Variants in DTNB observed in about 807,000 individuals in gnomAD.
DTNB encodes DTN-B.
A neutral mutation model predicts 90.7 loss-of-function variants in DTNB; 63 were observed. The ratio of observed to expected loss-of-function variants is 0.69; its 90% CI spans 0.57 to 0.86. The LOEUF (loss-of-function observed/expected upper bound fraction) is 0.86. DTNB is among the 40% of genes least tolerant of loss of function. The pLI is 0.00. For missense variants in DTNB, 744 were observed against 807.1 expected, an observed-to-expected ratio of 0.92 and a Z score of 0.95; for synonymous variants, 277 against 286.7, an observed-to-expected ratio of 0.97 and a Z score of 0.34.
chr2:25,578,176 T>C (rs1321737449), intron 7 of DTNB, among the ~76,000 whole-genome samples: 1 of 152,014 alleles, frequency 6.6e-6, no homozygotes, highest in Admixed American at 6.5e-5. Context: ...AAAAATTGAG[T>C]ATGAGGTGAT....
chr2:25,431,688 T>A (rs1287369433), intron 14 of DTNB, among the ~76,000 whole-genome samples: 1 of 152,202 alleles, frequency 6.6e-6, no homozygotes, highest in Non-Finnish European at 1.5e-5. Flanking sequence ...AGACTCAGGA[T>A]GACAGGCCTT....
chr2:25,613,850 C>T (rs1439327412), intron 4 of DTNB, among the ~76,000 whole-genome samples: 1 of 152,074 alleles, frequency 6.6e-6, no homozygotes, highest in Non-Finnish European at 1.5e-5. Context: ...CCCGGCTACT[C>T]AGGAGGCTGA....
At chr2:25,498,007 T>A (rs1047436626) in intron 9 of DTNB, among the ~76,000 whole-genome samples, 6 of 152,060 alleles carry the variant, frequency 3.9e-5, no homozygotes, top group African/African-American at 1.4e-4. Context: ...TCTACTAGTC[T>A]CCCAAATTAG....
intron 1 of DTNB, among the ~76,000 whole-genome samples, chr2:25,664,528 G>A (rs181559030): frequency 1.4e-4 from 21 of 152,182 alleles, no homozygotes; most frequent in African/African-American, 4.3e-4. Context: ...GGGTTCCCTA[G>A]CTTACCGTAC....
intron 3 of DTNB, among the ~76,000 whole-genome samples, chr2:25,634,302 G>A (rs1330391151): frequency 9.2e-6 from 1 of 108,942 alleles, no homozygotes; most frequent in African/African-American, 3.0e-5. Flanking sequence ...TCAGCCCCCC[G>A]CCCGGCCAGC....
intron 3 of DTNB, among the ~76,000 whole-genome samples, chr2:25,633,221 C>G (rs1356601762): frequency 4.0e-5 from 6 of 150,316 alleles, no homozygotes; most frequent in African/African-American, 1.5e-4. Context: ...CGAGCCGAAG[C>G]TGGACTGTAC....
At position 25,433,103 on chromosome 2, in the gene DTNB, A is replaced by G. The variant is rs190152586; in HGVS notation, c.1344-104T>C. ...AACTCTAGCAGTGCCTCCTCTACCA[A>G]TCTTGTTTTGATTGCTTCCAAATGG... On this transcript the variant is annotated intron_variant, in intron 13 of 20. Coordinates refer to ENST00000406818, the MANE Select transcript of DTNB (RefSeq NM_021907.5). 75 of 1,159,066 alleles carry G rather than the reference A, an allele frequency of 6.5e-5. No homozygotes were observed. The Middle Eastern group carries it at 1.0e-3, about 16-fold the overall frequency. The allele number at this position is 1,159,066 out of a possible 1,614,324, so 71.8% of individuals were successfully genotyped here.
At chr2:25,663,849 C>T (rs1480976529) in intron 1 of DTNB, among the ~76,000 whole-genome samples, 1 of 152,136 alleles carries the variant, frequency 6.6e-6, no homozygotes. Context: ...AATTATTTAT[C>T]TATATATCAT....
chr2:25,399,976 G>A (rs962447708), intron 16 of DTNB, among the ~76,000 whole-genome samples: 3 of 152,072 alleles, frequency 2.0e-5, no homozygotes, highest in Non-Finnish European at 2.9e-5. Context: ...GCAGCATCTC[G>A]GTCACGTCAT....
In DTNB at chr2:25,568,073, G is replaced by A. The variant is rs560174666; in HGVS notation, c.876+8765C>T. 7.9e-5 allele frequency among the ~76,000 whole-genome samples: 12 copies of A among 151,842 alleles called. No individual in the cohort carries two copies. The South Asian group carries it at 2.1e-3, about 26-fold the overall frequency. ...CTTGGGAGGCTGAAGCAGGAGAATC[G>A]CTTGAACCTGGGAAGTAGAGGTTGC... On this transcript the variant is annotated intron_variant, in intron 8 of 20. Coordinates refer to ENST00000406818, the MANE Select transcript of DTNB (RefSeq NM_021907.5).
At chr2:25,633,347 G>A (rs2148767148) in intron 3 of DTNB, among the ~76,000 whole-genome samples, 1 of 152,240 alleles carries the variant, frequency 6.6e-6, no homozygotes, top group African/African-American at 2.4e-5. Context: ...TATTTTTTTG[G>A]TGGAGACGGG....
intron 16 of DTNB, among the ~76,000 whole-genome samples, chr2:25,402,826 C>G (rs2044090477): frequency 6.6e-6 from 1 of 152,186 alleles, no homozygotes; most frequent in Non-Finnish European, 1.5e-5. Flanking sequence ...TCTCAATCTT[C>G]ATGATTCTGT....
At chr2:25,396,597 A>G (rs1217575419) in intron 16 of DTNB, among the ~76,000 whole-genome samples, 2 of 151,796 alleles carry the variant, frequency 1.3e-5, no homozygotes, top group Non-Finnish European at 2.9e-5. Context: ...AAGACTACAC[A>G]TTGGGTACAG....
chr2:25,404,905 G>T (rs1028614954), intron 16 of DTNB, among the ~76,000 whole-genome samples: 2 of 152,150 alleles, frequency 1.3e-5, no homozygotes, highest in African/African-American at 4.8e-5. Flanking sequence ...ACAACCCGTG[G>T]AAAATCCAAC....
intron 15 of DTNB, among the ~76,000 whole-genome samples, chr2:25,425,580 T>C (rs1176802022): frequency 6.6e-6 from 1 of 152,218 alleles, no homozygotes; most frequent in Admixed American, 6.5e-5. Context: ...TAACTTGCCC[T>C]GCGCATTTTC....
rs527455130 is a variant in DTNB at position 25,384,556 on chromosome 2, G to A, written c.1826-667C>T. ...CTGGTATGGTCAAGCAGGCTGGTAAGAGAAAACCATGTCACGTTTGGAAAG... is the reference window on the plus strand; with the variant it reads ...CTGGTATGGTCAAGCAGGCTGGTAAAAGAAAACCATGTCACGTTTGGAAAG... On this transcript the variant is annotated intron_variant, in intron 18 of 20. Coordinates refer to ENST00000406818, the MANE Select transcript of DTNB (RefSeq NM_021907.5). Among the ~76,000 whole-genome samples the A allele has an allele frequency of 1.1e-4, 16 of 152,286 alleles. No homozygotes were observed. The South Asian group carries it at 2.7e-3, about 26-fold the overall frequency.
chr2:25,490,259 G>A (rs1235755090), intron 9 of DTNB, among the ~76,000 whole-genome samples: 1 of 152,146 alleles, frequency 6.6e-6, no homozygotes, highest in Non-Finnish European at 1.5e-5. Context: ...CTGGGTGACA[G>A]AGTGAGATCC....
intron 16 of DTNB, among the ~76,000 whole-genome samples, chr2:25,397,607 C>T (rs192672658): frequency 5.3e-5 from 8 of 152,114 alleles, no homozygotes; most frequent in African/African-American, 4.8e-5. Context: ...GGGCCGGGCC[C>T]GGTGGCTCAT....
intron 5 of DTNB, among the ~76,000 whole-genome samples, chr2:25,605,612 A>C (rs1052569889): frequency 6.6e-6 from 1 of 152,248 alleles, no homozygotes; most frequent in Non-Finnish European, 1.5e-5. Context: ...AGTAGACTTT[A>C]AAGAAATTTA....
Sources: allele counts gnomAD v4.1 joint callset (sites outside exome capture counted in the v4.1 genomes callset), GRCh38; gene constraint gnomAD v4.1.1; transcripts MANE v1.5; gene names NCBI Gene and HGNC (gene_info 2026-07-23, HGNC 2026-07-21).